The following HDAC9 variants were observed in gnomAD, a reference collection of about 807,000 sequenced individuals.
The protein encoded by HDAC9 is MEF-2 interacting transcription repressor (MITR) protein.
HDAC9 carries 41 observed loss-of-function variants against 139.4 expected under a neutral mutation model. The observed-to-expected ratio is 0.29, with a 90% CI of 0.23 to 0.38. The LOEUF is 0.38. Ranked by LOEUF, HDAC9 falls within the 10% of genes least tolerant of loss-of-function variation. HDAC9 has a pLI of 1.00. For missense variants in HDAC9, 1,147 were observed against 1,297.0 expected (o/e 0.88, Z 1.78); for synonymous variants, 517 against 476.2 (o/e 1.09, Z -1.12).
At chr7:18,959,508 T>A (rs553496835) in intron 24 of HDAC9, among the ~76,000 whole-genome samples, 1 of 152,294 alleles carries the variant, frequency 6.6e-6, no homozygotes, top group African/African-American at 2.4e-5. Flanking sequence ...TTCACAATTT[T>A]GCTGCAACCC....
chr7:18,680,681 G>C (rs1781833361), intron 12 of HDAC9, among the ~76,000 whole-genome samples: 1 of 152,004 alleles, frequency 6.6e-6, no homozygotes, highest in Non-Finnish European at 1.5e-5. Context: ...GTTACAGTTT[G>C]TGTGTGGCCA....
At chr7:18,990,250 G>T (rs1309138395) in intron 25 of HDAC9, among the ~76,000 whole-genome samples, 1 of 152,136 alleles carries the variant, frequency 6.6e-6, no homozygotes, top group East Asian at 1.9e-4. Context: ...TGTCCTTTCT[G>T]TTTGTTAGGA....
chr7:18,462,443 C>T (rs1586079341), intron 1 of HDAC9, among the ~76,000 whole-genome samples: 1 of 152,116 alleles, frequency 6.6e-6, no homozygotes, highest in South Asian at 2.1e-4. Context: ...GCTCAATGAA[C>T]ATATTCTAGT....
chr7:18,906,616 T>TG (rs1563044682), intron 22 of HDAC9, among the ~76,000 whole-genome samples: 1 of 152,188 alleles, frequency 6.6e-6, no homozygotes, highest in African/African-American at 2.4e-5. Context: ...GATTACAGGA[T>TG]GCAACAGTGG....
chr7:18,100,407 C>CT (rs983601896), intron 1 of HDAC9, among the ~76,000 whole-genome samples: 47 of 152,230 alleles, frequency 3.1e-4, no homozygotes, highest in Middle Eastern at 3.4e-3. Flanking sequence ...AGTCCCTCCT[C>CT]TTTTTTCTCT....
intron 12 of HDAC9, among the ~76,000 whole-genome samples, chr7:18,685,820 A>G (rs779981335): frequency 6.6e-5 from 10 of 151,978 alleles, no homozygotes; most frequent in Non-Finnish European, 1.3e-4. Flanking sequence ...ATGCAGAAAT[A>G]GCGTGTGCCA....
At position 18,874,556 on chromosome 7, in the gene HDAC9, C is replaced by A. The variant is rs1396296847; in HGVS notation, c.2763C>A (p.Gly921=). 6.3e-7 allele frequency: 1 copy of A among 1,594,164 alleles called. No homozygotes were observed. Among genetic ancestry groups the A allele is most frequent in the Non-Finnish European group, 8.6e-7 (1 of 1,169,186 alleles). Residue 921 remains glycine, a synonymous_variant, in exon 22 of 26, where the codon GGC becomes GGA. Coordinates refer to ENST00000686413, the MANE Select transcript of HDAC9 (RefSeq NM_178425.4). The stretch of plus-strand genomic sequence containing the variant: ...CTGCTGGATTTGATGCATTGGAAGG[C>A]CACACCCCTCCTCTAGGAGGGTACA... ...LVSAGFDALE[G]HTPPLGGYKV...
At chr7:18,939,271 A>G (rs1325387773) in intron 23 of HDAC9, among the ~76,000 whole-genome samples, 1 of 152,218 alleles carries the variant, frequency 6.6e-6, no homozygotes, top group African/African-American at 2.4e-5. Flanking sequence ...AGAATATAGA[A>G]TTCCTAGCAG....
At chr7:18,922,113 G>A (rs1445789351) in intron 22 of HDAC9, among the ~76,000 whole-genome samples, 2 of 151,186 alleles carry the variant, frequency 1.3e-5, no homozygotes, top group South Asian at 2.1e-4. Flanking sequence ...AGCATTAGGA[G>A]ATATACCTAA....
chr7:18,093,852 T>A (rs1782328136), intron 1 of HDAC9, among the ~76,000 whole-genome samples: 1 of 152,160 alleles, frequency 6.6e-6, no homozygotes, highest in Non-Finnish European at 1.5e-5. Flanking sequence ...ATATTCTACT[T>A]TTTTCTTCTG....
chr7:18,475,636 T>C (rs918739170), intron 1 of HDAC9, among the ~76,000 whole-genome samples: 2 of 152,194 alleles, frequency 1.3e-5, no homozygotes, highest in Non-Finnish European at 2.9e-5. Context: ...TGCAGCTGCA[T>C]AATTATACAT....
chr7:18,166,539 C>A (rs1363510020), intron 2 of HDAC9, among the ~76,000 whole-genome samples: 2 of 152,078 alleles, frequency 1.3e-5, no homozygotes, highest in Admixed American at 6.6e-5. Context: ...TCAAAAAGTT[C>A]TTTGAAATAT....
In HDAC9 at chr7:18,591,637, G is replaced by A. The variant is rs1402185494; in HGVS notation, c.537G>A (p.Trp179Ter). 1 of 1,613,086 alleles carries A rather than the reference G, an allele frequency of 6.2e-7. No individual in the cohort carries two copies. The highest frequency in any genetic ancestry group is 8.5e-7 in the Non-Finnish European group (1 of 1,179,462). ...NHSVSRHPKL[W>*]YTAAHHTSLD... is the part of the protein sequence containing the mutation. ...CCGTGAGCCGCCATCCCAAGCTCTG[G>A]TACACGTATGTTCAGTGTTTGGCTG... The change falls in exon 5 of 26, where the codon TGG becomes TGA. Residue 179 changes from tryptophan to a stop codon, truncating the protein, a stop_gained. Coordinates refer to ENST00000686413, the MANE Select transcript of HDAC9 (RefSeq NM_178425.4). LOFTEE classifies it high-confidence loss of function.
chr7:18,736,857 C>A (rs1486052670), intron 13 of HDAC9, among the ~76,000 whole-genome samples: 1 of 152,234 alleles, frequency 6.6e-6, no homozygotes, highest in East Asian at 1.9e-4. Flanking sequence ...GTGAATCCAT[C>A]TGGTATTGGA....
intron 1 of HDAC9, among the ~76,000 whole-genome samples, chr7:18,450,391 A>T (rs1383520737): frequency 6.6e-6 from 1 of 152,218 alleles, no homozygotes; most frequent in Non-Finnish European, 1.5e-5. Flanking sequence ...ATACTGATGG[A>T]AGCCTTTGCT....
chr7:18,753,683 T>C lies in HDAC9; in HGVS notation c.2043+4545T>C, dbSNP rs116340434. Among the ~76,000 whole-genome samples the C allele has an allele frequency of 5.3e-3, 808 of 152,282 alleles. 5 individuals carry two copies. Among genetic ancestry groups the C allele is most frequent in the African/African-American group, 0.019 (777 of 41,582 alleles). On this transcript the variant is annotated intron_variant, in intron 14 of 25. Transcript: ENST00000686413. ...CAAACTTTTGGTTTATGTCAATTCA[T>C]TTAGCAATGTCGCAAATTAATCAAA...
intron 2 of HDAC9, among the ~76,000 whole-genome samples, chr7:18,221,646 C>A (rs574085740): frequency 6.6e-6 from 1 of 152,092 alleles, no homozygotes; most frequent in African/African-American, 2.4e-5. Flanking sequence ...ATGATGCTTC[C>A]TGAGAGAATC....
intron 1 of HDAC9, among the ~76,000 whole-genome samples, chr7:18,103,362 G>T (rs551942441): frequency 6.6e-6 from 1 of 152,194 alleles, no homozygotes; most frequent in East Asian, 1.9e-4. Flanking sequence ...ATATTCGGGG[G>T]ATACATATGC....
intron 1 of HDAC9, among the ~76,000 whole-genome samples, chr7:18,305,596 G>GT (rs1798853941): frequency 6.6e-6 from 1 of 151,940 alleles, no homozygotes. Flanking sequence ...TTATCATCAG[G>GT]TTTTCTGGTC....
Sources: allele counts gnomAD v4.1 joint callset (sites outside exome capture counted in the v4.1 genomes callset), GRCh38; gene constraint gnomAD v4.1.1; transcripts MANE v1.5; gene names NCBI Gene and HGNC (gene_info 2026-07-23, HGNC 2026-07-21).